GMDS: variants seen among roughly 807,000 people sequenced by gnomAD.
GMDS encodes GDP-mannose 4,6 dehydratase.
Under a neutral mutation model 49.9 loss-of-function variants are expected in GMDS, and 20 were observed. That is an observed-to-expected ratio of 0.40 (90% CI 0.28 to 0.58). GMDS has a LOEUF of 0.58. GMDS is among the 20% of genes least tolerant of loss of function. The pLI is 0.42. For synonymous variants in GMDS, 177 were observed against 178.6 expected (o/e 0.99, Z 0.07); for missense variants, 362 against 481.4 (o/e 0.75, Z 2.32).
At chr6:1,781,414 C>T (rs887159767) in intron 7 of GMDS, among the ~76,000 whole-genome samples, 1 of 152,220 alleles carries the variant, frequency 6.6e-6, no homozygotes, top group Non-Finnish European at 1.5e-5. Flanking sequence ...TGTTGTGCTA[C>T]TCTGGGCCCT....
intron 4 of GMDS, among the ~76,000 whole-genome samples, chr6:1,994,560 A>G (rs1766157328): frequency 6.6e-6 from 1 of 152,158 alleles, no homozygotes; most frequent in Admixed American, 6.5e-5. Flanking sequence ...AAACTTTGTC[A>G]TTGAGGAACC....
At chr6:1,869,895 C>G (rs1758641562) in intron 7 of GMDS, among the ~76,000 whole-genome samples, 1 of 152,224 alleles carries the variant, frequency 6.6e-6, no homozygotes, top group Non-Finnish European at 1.5e-5. Context: ...TTTCCACACA[C>G]TCTGGACAGG....
At chr6:1,827,731 G>T (rs1468204058) in intron 7 of GMDS, among the ~76,000 whole-genome samples, 2 of 152,076 alleles carry the variant, frequency 1.3e-5, no homozygotes, top group African/African-American at 4.8e-5. Flanking sequence ...ACTCAGAAAA[G>T]ACCTCACAAG....
intron 4 of GMDS, among the ~76,000 whole-genome samples, chr6:2,006,285 A>G (rs1417280679): frequency 6.6e-6 from 1 of 151,144 alleles, no homozygotes. Flanking sequence ...AAAAATAGCC[A>G]AGAGTAGTGG....
chr6:1,741,360 C>G (rs1224509822), intron 8 of GMDS, among the ~76,000 whole-genome samples: 2 of 152,212 alleles, frequency 1.3e-5, no homozygotes, highest in Non-Finnish European at 2.9e-5. Flanking sequence ...TCCTCAGCTT[C>G]TGGTAAGCAC....
chr6:1,768,848 C>T (rs1768464444), intron 7 of GMDS, among the ~76,000 whole-genome samples: 2 of 152,218 alleles, frequency 1.3e-5, no homozygotes, highest in African/African-American at 4.8e-5. Flanking sequence ...ACTGGCACTT[C>T]ACAACTCCTA....
chr6:2,028,793 C>T (rs879859110), intron 4 of GMDS, among the ~76,000 whole-genome samples: 9 of 152,096 alleles, frequency 5.9e-5, no homozygotes, highest in Non-Finnish European at 8.8e-5. Flanking sequence ...GTCCACTCAC[C>T]GTTTTATGAA....
At chr6:1,952,140 G>A in intron 6 of GMDS, 1 of 248,330 alleles carries the variant, frequency 4.0e-6, no homozygotes, top group Non-Finnish European at 6.4e-6. Flanking sequence ...CTGAAAAAAG[G>A]GAGATGAAAG....
chr6:1,793,971 C>A (rs1459880098), intron 7 of GMDS, among the ~76,000 whole-genome samples: 1 of 152,188 alleles, frequency 6.6e-6, no homozygotes, highest in Non-Finnish European at 1.5e-5. Flanking sequence ...AAGGGCTTTA[C>A]ACACTTACGT....
At chr6:1,690,305 C>G (rs1765128581) in intron 9 of GMDS, among the ~76,000 whole-genome samples, 1 of 152,100 alleles carries the variant, frequency 6.6e-6, no homozygotes, top group Non-Finnish European at 1.5e-5. Context: ...TTGCCCGTGC[C>G]TATGTATGGT....
intron 7 of GMDS, among the ~76,000 whole-genome samples, chr6:1,864,254 G>T (rs956111505): frequency 3.9e-5 from 6 of 152,010 alleles, no homozygotes; most frequent in African/African-American, 1.2e-4. Context: ...TTAGAAAAAA[G>T]ATAATTTCAA....
intron 4 of GMDS, among the ~76,000 whole-genome samples, chr6:2,028,398 C>A (rs1314900624): frequency 6.6e-6 from 1 of 152,194 alleles, no homozygotes; most frequent in Admixed American, 6.5e-5. Context: ...ATCAATTTGA[C>A]TGGACTTTCA....
At chr6:1,813,228 A>G (rs9405518) in intron 7 of GMDS, among the ~76,000 whole-genome samples, 94 of 135,734 alleles carry the variant, frequency 6.9e-4, no homozygotes, top group South Asian at 1.9e-3. Context: ...TCTCTTAAAA[A>G]AAAAAAAAAA....
intron 7 of GMDS, among the ~76,000 whole-genome samples, chr6:1,900,403 T>C (rs1760442292): frequency 6.6e-6 from 1 of 152,200 alleles, no homozygotes; most frequent in South Asian, 2.1e-4. Flanking sequence ...CAAGCACCAA[T>C]GAAATCCATC....
At chr6:1,858,083 T>G (rs1758019526) in intron 7 of GMDS, among the ~76,000 whole-genome samples, 1 of 152,060 alleles carries the variant, frequency 6.6e-6, no homozygotes, top group Non-Finnish European at 1.5e-5. Flanking sequence ...TACCTAAGAG[T>G]AAAGTTACAG....
chr6:1,995,036 A>T (rs1039745727), intron 4 of GMDS, among the ~76,000 whole-genome samples: 14 of 152,174 alleles, frequency 9.2e-5, no homozygotes, highest in African/African-American at 3.1e-4. Context: ...CATCAACACA[A>T]CACAGAGGCA....
At chr6:1,951,985 C>T in intron 6 of GMDS, 2 of 981,368 alleles carry the variant, frequency 2.0e-6, no homozygotes, top group Non-Finnish European at 2.4e-6. Context: ...AAGTTCAACT[C>T]TAAAATTCGT....
At chr6:1,714,566 G>A (rs891344135) in intron 9 of GMDS, among the ~76,000 whole-genome samples, 14 of 152,196 alleles carry the variant, frequency 9.2e-5, no homozygotes, top group African/African-American at 3.1e-4. Flanking sequence ...AAGTTTCAGA[G>A]TAGCAGAGAA....
intron 2 of GMDS, among the ~76,000 whole-genome samples, chr6:2,120,430 T>C (rs1006798252): frequency 4.0e-5 from 6 of 151,350 alleles, no homozygotes; most frequent in African/African-American, 1.5e-4. Context: ...AGAAAGAAAG[T>C]ATCTCCATGT....
Sources: allele counts gnomAD v4.1 joint callset (sites outside exome capture counted in the v4.1 genomes callset), GRCh38; gene constraint gnomAD v4.1.1; transcripts MANE v1.5; gene names NCBI Gene and HGNC (gene_info 2026-07-23, HGNC 2026-07-21).